LPA: variants seen among roughly 807,000 people sequenced by gnomAD.
The protein encoded by LPA is lipoprotein(a).
In LPA, 199 loss-of-function variants were observed where a neutral mutation model predicts 197.9. The ratio of observed to expected loss-of-function variants is 1.01; its 90% CI spans 0.90 to 1.13. The LOEUF is 1.13. LPA is among the 50% of genes most tolerant of loss of function. The probability of loss-of-function intolerance (pLI) is 0.00; values close to 1 mark genes in which losing one functional copy is unlikely to be tolerated. For missense variants in LPA, 1,853 were observed against 1,785.8 expected (o/e 1.04, Z -0.68); for synonymous variants, 715 against 639.5 (o/e 1.12, Z -1.78).
intron 37 of LPA, among the ~76,000 whole-genome samples, chr6:160,536,894 A>G (rs904232878): frequency 6.6e-6 from 1 of 152,206 alleles, no homozygotes; most frequent in Non-Finnish European, 1.5e-5. Context: ...AACACAAAAA[A>G]CATTTTATCA....
intron 23 of LPA, 149 bp from the exon 24 acceptor site, chr6:160,589,861 C>G (rs1442363567): frequency 1.1e-6 from 1 of 885,004 alleles, no homozygotes; most frequent in South Asian, 1.5e-5. Flanking sequence ...ATGCCAATAA[C>G]AAAGCTCAAA....
intron 22 of LPA, among the ~76,000 whole-genome samples, chr6:160,593,727 A>G (rs181236392): frequency 1.3e-5 from 2 of 152,220 alleles, no homozygotes; most frequent in East Asian, 3.9e-4. Flanking sequence ...TATTCATGAG[A>G]ACTCACCACC....
intron 18 of LPA, among the ~76,000 whole-genome samples, chr6:160,601,852 C>T (rs1000935274): frequency 5.9e-5 from 9 of 152,096 alleles, no homozygotes; most frequent in African/African-American, 1.7e-4. Context: ...ACAGCAATTC[C>T]GGGACTGAGG....
intron 1 of LPA, among the ~76,000 whole-genome samples, chr6:160,653,145 G>A (rs1489028088): frequency 2.0e-5 from 3 of 152,084 alleles, no homozygotes; most frequent in Admixed American, 1.3e-4. Flanking sequence ...ATTCATATCA[G>A]CACAAATAGA....
At chr6:160,579,403 A>G (rs1379363618) in intron 26 of LPA, among the ~76,000 whole-genome samples, 4 of 152,032 alleles carry the variant, frequency 2.6e-5, no homozygotes, top group Non-Finnish European at 5.9e-5. Flanking sequence ...CATGGGCACG[A>G]CCTCCTCTCC....
intron 1 of LPA, among the ~76,000 whole-genome samples, chr6:160,659,209 T>C (rs1780181370): frequency 6.6e-6 from 1 of 152,148 alleles, no homozygotes; most frequent in Non-Finnish European, 1.5e-5. Flanking sequence ...GCTCTACAGC[T>C]TGGGGGCAGC....
At chr6:160,553,963 G>GCGCA (rs1279264951) in intron 30 of LPA, among the ~76,000 whole-genome samples, 4,085 of 150,050 alleles carry the variant, frequency 0.027, 72 homozygotes, top group East Asian at 0.076. Context: ...GTGCGCGCGC[G>GCGCA]CGCGTGTGCG....
chr6:160,542,392 AC>A (rs1777994596), intron 34 of LPA, among the ~76,000 whole-genome samples: 1 of 152,104 alleles, frequency 6.6e-6, no homozygotes, highest in Non-Finnish European at 1.5e-5. Context: ...ATCCATAGAA[AC>A]CCTCAGAGCA....
chr6:160,577,427 G>A (rs1410807860), intron 27 of LPA, 132 bp from the exon 28 acceptor site: 3 of 743,820 alleles, frequency 4.0e-6, no homozygotes, highest in South Asian at 3.4e-5. Context: ...GTAGCAAAAG[G>A]ATGTGAAAAG....
Position 160,578,606 on chromosome 6 carries a change from G to A in LPA, c.4388C>T (p.Thr1463Ile). The change falls in exon 27 of 39, where the codon ACA (threonine) becomes ATA (isoleucine). Residue 1463 changes from threonine to isoleucine, a missense_variant. Around this residue, in one of 3 missense-constraint regions of LPA, gnomAD observed 1,737 missense variants for 1,504.4 expected, o/e 1.15. Transcript: ENST00000316300. ...PSVRWEYCNL[T>I]RCPVTESSVL... is the part of the protein sequence containing the mutation. ...ACTCGATTCTGTCACTGGACATCGT[G>A]TCAGGTTGCAGTACTCCCACCTGAC... The A allele has an allele frequency of 1.2e-6, 2 of 1,614,032 alleles. No individual in the cohort carries two copies. The highest frequency in any genetic ancestry group is 1.7e-6 in the Non-Finnish European group (2 of 1,179,918).
intron 32 of LPA, among the ~76,000 whole-genome samples, 156 bp downstream of exon 32, chr6:160,547,633 G>A (rs915747012): frequency 4.6e-5 from 7 of 152,152 alleles, no homozygotes; most frequent in African/African-American, 7.2e-5. Context: ...ACCCCCACAC[G>A]CGTGGGGCTT....
Position 160,605,165 on chromosome 6 carries a change from G to A in LPA, c.2826C>T (p.His942=), listed in dbSNP as rs117174672. The A allele has an allele frequency of 0.036, 57,793 of 1,613,874 alleles. 1,327 individuals carry two copies. Among genetic ancestry groups the A allele is most frequent in the South Asian group, 0.077 (7,013 of 91,080 alleles). Residue 942 remains histidine (H), a synonymous_variant, in exon 18 of 39, where the codon CAC becomes CAT. Transcript: ENST00000316300. ...EQRPGVQECY[H]GNGQSYQGTY... ...TGCCTTGATAACTCTGTCCATTTCC[G>A]TGGTAGCACTCCTGCACCCCAGGCC...
chr6:160,586,293 C>G (rs1013537638), intron 25 of LPA, among the ~76,000 whole-genome samples, 156 bp downstream of exon 25: 1 of 152,172 alleles, frequency 6.6e-6, no homozygotes, highest in Non-Finnish European at 1.5e-5. Flanking sequence ...GCTCTGGTCC[C>G]CCCAGAGAAG....
intron 22 of LPA, among the ~76,000 whole-genome samples, chr6:160,591,416 A>G (rs1439508294): frequency 6.6e-6 from 1 of 152,212 alleles, no homozygotes; most frequent in African/African-American, 2.4e-5. Context: ...ACTTTGGATT[A>G]ACTGAGAGAT....
chr6:160,542,908 A>C, intron 33 of LPA, 100 bp from the exon 34 acceptor site: 110 of 1,514,404 alleles, frequency 7.3e-5, no homozygotes, highest in Non-Finnish European at 9.6e-5. Flanking sequence ...TTCACATCTC[A>C]AAGGTGAAAT....
chr6:160,653,857 C>T (rs1780048431), intron 1 of LPA, among the ~76,000 whole-genome samples: 1 of 126,184 alleles, frequency 7.9e-6, no homozygotes, highest in Admixed American at 9.1e-5. Flanking sequence ...TCAATGTATA[C>T]AAATCAATAA....
intron 28 of LPA, among the ~76,000 whole-genome samples, chr6:160,572,480 T>A (rs1778580773): frequency 6.6e-6 from 1 of 152,244 alleles, no homozygotes; most frequent in Admixed American, 6.5e-5. Flanking sequence ...TTTTTTAACT[T>A]GTACTTTTGT....
intron 35 of LPA, 148 bp from the exon 36 acceptor site, chr6:160,540,331 C>T (rs1467547445): frequency 3.7e-6 from 3 of 821,038 alleles, no homozygotes; most frequent in South Asian, 1.5e-5. Flanking sequence ...TCACAATTTG[C>T]TGGAAACTGA....
intron 28 of LPA, 115 bp downstream of exon 28, chr6:160,577,021 C>G: frequency 7.5e-7 from 1 of 1,337,852 alleles, no homozygotes; most frequent in Non-Finnish European, 1.1e-6. Flanking sequence ...AGACATTTTG[C>G]CAAAATGTGA....
Sources: allele counts gnomAD v4.1 joint callset (sites outside exome capture counted in the v4.1 genomes callset), GRCh38; gene constraint gnomAD v4.1.1; regional missense constraint gnomAD v4.1.1; transcripts MANE v1.5; gene names NCBI Gene and HGNC (gene_info 2026-07-23, HGNC 2026-07-21).